DHX32: variants seen among roughly 807,000 people sequenced by gnomAD.
The protein encoded by DHX32 is putative pre-mRNA-splicing factor ATP-dependent RNA helicase DHX32.
A neutral mutation model predicts 70.0 loss-of-function variants in DHX32; 51 were observed. The observed-to-expected ratio is 0.73, with a 90% CI of 0.58 to 0.92. The LOEUF is 0.92. Among genes scored for constraint, DHX32 ranks in the 40% least tolerant of loss-of-function variants. The pLI is 0.00. For synonymous variants in DHX32, 310 were observed against 315.3 expected, an observed-to-expected ratio of 0.98 and a Z score of 0.18; for missense variants, 762 against 891.8, an observed-to-expected ratio of 0.85 and a Z score of 1.85.
intron 3 of DHX32, among the ~76,000 whole-genome samples, chr10:125,858,318 A>G (rs1391980373): frequency 1.3e-5 from 2 of 151,906 alleles, no homozygotes; most frequent in Non-Finnish European, 2.9e-5. Flanking sequence ...CATAAATCCT[A>G]TGTCTCCGTA....
At chr10:125,893,513 G>T (rs1227986855) in intron 1 of DHX32, among the ~76,000 whole-genome samples, 1 of 152,224 alleles carries the variant, frequency 6.6e-6, no homozygotes. Context: ...AAAGTGCTGG[G>T]ATTACAGGCG....
In DHX32 at chr10:125,854,126, A is replaced by C; in HGVS notation, c.927T>G (p.Pro309=). 6.2e-7 allele frequency: 1 copy of C among 1,613,908 alleles called. No homozygotes were observed. The change falls in exon 4 of 11, where the codon CCT becomes CCG. Residue 309 remains proline (P), a synonymous_variant. Coordinates refer to ENST00000284690, the MANE Select transcript of DHX32 (RefSeq NM_018180.3). ...NPDLGELVVV[P]LYPKEKCSLF... Reference sequence around the variant, plus strand: ...ATGAACATTTCTCTTTTGGATACAAAGGAACAACCACCAGTTCTCCAAGAT... The same window carrying C: ...ATGAACATTTCTCTTTTGGATACAACGGAACAACCACCAGTTCTCCAAGAT...
chr10:125,844,078 T>C (rs1024720377), intron 6 of DHX32, among the ~76,000 whole-genome samples: 2 of 152,152 alleles, frequency 1.3e-5, no homozygotes, highest in Non-Finnish European at 2.9e-5. Context: ...TTGGGGACCT[T>C]TGGACTAACC....
At chr10:125,841,068 AG>A (rs1459526076) in intron 7 of DHX32, 72 bp from the exon 8 acceptor site, 1 of 1,520,730 alleles carries the variant, frequency 6.6e-7, no homozygotes, top group Non-Finnish European at 8.9e-7. Context: ...TGCAGAGGGG[AG>A]GGGTCACGAC....
At chr10:125,853,880 GA>G in intron 4 of DHX32, 80 bp downstream of exon 4, 1 of 1,513,884 alleles carries the variant, frequency 6.6e-7, no homozygotes, top group Non-Finnish European at 8.9e-7. Flanking sequence ...CTCACTTCCT[GA>G]TCAGTAAAAT....
chr10:125,839,630 T>C (rs1045642444), intron 8 of DHX32, among the ~76,000 whole-genome samples: 5 of 152,122 alleles, frequency 3.3e-5, no homozygotes, highest in African/African-American at 1.2e-4. Flanking sequence ...TCTATGAAAA[T>C]ATCTCATATT....
chr10:125,859,147 A>G (rs906237711), intron 3 of DHX32, among the ~76,000 whole-genome samples: 1 of 151,030 alleles, frequency 6.6e-6, no homozygotes, highest in African/African-American at 2.4e-5. Flanking sequence ...ACTGACTATC[A>G]CAGGACTGCT....
chr10:125,878,790 C>T (rs1944299540), intron 1 of DHX32, among the ~76,000 whole-genome samples: 1 of 151,576 alleles, frequency 6.6e-6, no homozygotes, highest in African/African-American at 2.4e-5. Flanking sequence ...CTCACTGCAA[C>T]CTCCACCTCC....
chr10:125,884,661 G>C (rs1944333355), upstream of DHX32, among the ~76,000 whole-genome samples: 1 of 152,158 alleles, frequency 6.6e-6, no homozygotes, highest in South Asian at 2.1e-4. Context: ...TTTGGCTCTG[G>C]TCCAGTAATT....
intron 1 of DHX32, among the ~76,000 whole-genome samples, chr10:125,892,473 A>G (rs1306778274): frequency 1.3e-5 from 2 of 152,260 alleles, no homozygotes; most frequent in East Asian, 1.9e-4. Context: ...TTTGGCCCAC[A>G]TTTGCCTTTC....
intron 3 of DHX32, among the ~76,000 whole-genome samples, chr10:125,859,182 C>T (rs150369845): frequency 0.019 from 2,819 of 152,076 alleles, 33 homozygotes; most frequent in South Asian, 0.033. Flanking sequence ...TGTTACTTAA[C>T]TCTATGGTGA....
At position 125,854,056 on chromosome 10, in the gene DHX32, G is replaced by T; in HGVS notation, c.997C>A (p.Gln333Lys). Reference protein sequence around the residue: ...DETEKRCQVYQRRVVLTTSSG... With the variant: ...DETEKRCQVYKRRVVLTTSSG... Reference sequence around the variant, plus strand: ...CTAGTAGTTAACACCACTCTTCTTTGATAAACTTGGCATCTTTTTTCTGTT... The same window carrying T: ...CTAGTAGTTAACACCACTCTTCTTTTATAAACTTGGCATCTTTTTTCTGTT... The change falls in exon 4 of 11, where the codon CAA (glutamine) becomes AAA (lysine). Residue 333 changes from glutamine (Q) to lysine (K), a missense_variant. Gln to Lys is a moderately conservative substitution (Grantham distance 53, BLOSUM62 1). This residue lies in a region of DHX32 where 394 missense variants were observed against 473.1 expected (regional missense o/e 0.83). Coordinates refer to ENST00000284690, the MANE Select transcript of DHX32 (RefSeq NM_018180.3). The T allele has an allele frequency of 6.2e-7, 1 of 1,614,050 alleles. No individual in the cohort carries two copies.
intron 1 of DHX32, among the ~76,000 whole-genome samples, chr10:125,888,364 G>A (rs796603459): frequency 1.6e-5 from 2 of 128,364 alleles, no homozygotes; most frequent in African/African-American, 2.7e-5. Context: ...CACCATGCCT[G>A]GCTAATTTTT....
rs192166510 is a variant in DHX32 at position 125,847,876 on chromosome 10, A to G, written c.1351+4417T>C. Among the ~76,000 whole-genome samples, 702 of 152,148 alleles carry G rather than the reference A, an allele frequency of 4.6e-3. 2 individuals carry two copies. The highest frequency in any genetic ancestry group is 0.016 in the African/African-American group (658 of 41,504). On this transcript the variant is annotated intron_variant, in intron 6 of 10. Coordinates refer to ENST00000284690, the MANE Select transcript of DHX32 (RefSeq NM_018180.3). ...TAATAGGGTTCGAGCTCCTACGAGA[A>G]TCCAGTGCTGCCACTGATCTGACAG... is the stretch of plus-strand genomic sequence containing the variant.
Position 125,852,567 on chromosome 10 carries a change from G to C in DHX32, c.1168C>G (p.Gln390Glu), listed in dbSNP as rs753837269. Residue 390 changes from glutamine to glutamate, a missense_variant, in exon 5 of 11, where the codon CAG becomes GAG. By Grantham distance (29) the Gln-to-Glu change is conservative. Around this residue, in one of 3 missense-constraint regions of DHX32, gnomAD observed 394 missense variants for 473.1 expected, o/e 0.83. Coordinates refer to ENST00000284690, the MANE Select transcript of DHX32 (RefSeq NM_018180.3). Reference sequence around the variant, plus strand: ...CCTGAAGAAGATGAGCCAAGAATCTGCTTGCGTATCTCTGCCTGGCTCTGG... The same window carrying C: ...CCTGAAGAAGATGAGCCAAGAATCTCCTTGCGTATCTCTGCCTGGCTCTGG... The part of the protein sequence containing the change: ...ISQSQAEIRK[Q>E]ILGSSSSGKF... 6.2e-7 allele frequency: 1 copy of C among 1,613,732 alleles called. No homozygotes were observed. Among genetic ancestry groups the C allele is most frequent in the Middle Eastern group, 1.6e-4 (1 of 6,062 alleles).
chr10:125,855,448 GTTT>G (rs777479193), intron 3 of DHX32, among the ~76,000 whole-genome samples: 2 of 121,442 alleles, frequency 1.6e-5, no homozygotes, highest in African/African-American at 3.1e-5. Flanking sequence ...AAGATAAACT[GTTT>G]TTTTTTTTTT....
chr10:125,839,182 A>T lies in DHX32; in HGVS notation c.1700T>A (p.Val567Glu). ...TTLNSSSEYC[V>E]EKWCRDYFLN... Reference sequence around the variant, plus strand: ...GAAGTAATCACGACACCACTTTTCCACACAGTCTAGGAGGGAAAGAACACA... The same window carrying T: ...GAAGTAATCACGACACCACTTTTCCTCACAGTCTAGGAGGGAAAGAACACA... Residue 567 changes from valine (V) to glutamate (E), a missense_variant, in exon 9 of 11, where the codon GTG becomes GAG. Physicochemically the swap from Val to Glu is moderately radical, Grantham distance 121 (BLOSUM62 -2). Around this residue, in one of 3 missense-constraint regions of DHX32, gnomAD observed 366 missense variants for 402.6 expected, o/e 0.91. Transcript: ENST00000284690. 6.2e-7 allele frequency: 1 copy of T among 1,614,180 alleles called. No individual in the cohort carries two copies. The highest frequency in any genetic ancestry group is 8.5e-7 in the Non-Finnish European group (1 of 1,179,986).
chr10:125,872,796 G>A (rs1191596118), intron 1 of DHX32, among the ~76,000 whole-genome samples: 3 of 152,206 alleles, frequency 2.0e-5, no homozygotes, highest in Non-Finnish European at 4.4e-5. Context: ...CGAGGCATGA[G>A]AATGTGCATC....
chr10:125,873,418 G>A lies in DHX32; in HGVS notation c.283-6235C>T, dbSNP rs189537047. Among the ~76,000 whole-genome samples, 9 of 152,208 alleles carry A rather than the reference G, an allele frequency of 5.9e-5. No individual in the cohort carries two copies. The South Asian group carries it at 8.3e-4, about 14-fold the overall frequency. On this transcript the variant is annotated intron_variant, in intron 1 of 10. Coordinates refer to ENST00000284690, the MANE Select transcript of DHX32 (RefSeq NM_018180.3). ...ATCCCTCACTTTTGATCATCAGGAC[G>A]TCCATCAGGGCCTGAGTCCTCTTCT...
Sources: allele counts gnomAD v4.1 joint callset (sites outside exome capture counted in the v4.1 genomes callset), GRCh38; gene constraint gnomAD v4.1.1; regional missense constraint gnomAD v4.1.1; transcripts MANE v1.5; gene names NCBI Gene and HGNC (gene_info 2026-07-23, HGNC 2026-07-21).